POLA1: variants seen among roughly 807,000 people sequenced by gnomAD.
POLA1 encodes the protein DNA polymerase alpha 1, catalytic subunit, also known as DNA polymerase alpha catalytic subunit.
POLA1 carries 15 observed loss-of-function variants against 124.0 expected under a neutral mutation model. The ratio of observed to expected loss-of-function variants is 0.12; its 90% confidence interval spans 0.08 to 0.19. The LOEUF is 0.19. Among genes scored for constraint, POLA1 ranks in the 10% least tolerant of loss-of-function variants. The probability of loss-of-function intolerance (pLI) is 1.00; values close to 1 mark genes in which losing one functional copy is unlikely to be tolerated. For synonymous variants in POLA1, 408 were observed against 389.4 expected (o/e 1.05, Z -0.56); for missense variants, 886 against 1,103.4 (o/e 0.80, Z 2.79).
chrX:24,701,599 C>G (rs752560937), intron 2 of POLA1, among the ~76,000 whole-genome samples: 2 of 109,127 alleles, frequency 1.8e-5, no homozygotes, highest in African/African-American at 6.7e-5. Flanking sequence ...CCACGCCTGG[C>G]TAATTTTTAT....
At chrX:24,741,115 TTGTGTGTGTGTG>T (rs751996539) in intron 20 of POLA1, among the ~76,000 whole-genome samples, 4 of 89,559 alleles carry the variant, frequency 4.5e-5, no homozygotes, top group East Asian at 3.7e-4. Flanking sequence ...TTATGGGATT[TTGTGTGTGTGTG>T]TGTGTGTGTG....
chrX:24,812,223 A>T (rs2045913902), intron 28 of POLA1, among the ~76,000 whole-genome samples: 1 of 112,650 alleles, frequency 8.9e-6, no homozygotes, highest in South Asian at 3.7e-4. Context: ...CTTAAACATT[A>T]TTTTAATAGT....
At chrX:24,747,732 CTT>C (rs756889284) in intron 24 of POLA1, among the ~76,000 whole-genome samples, 11 of 90,423 alleles carry the variant, frequency 1.2e-4, no homozygotes, top group Non-Finnish European at 1.1e-4. Flanking sequence ...AAATGTATCC[CTT>C]TTTTTTTTTT....
chrX:24,699,422 C>A lies in POLA1; in HGVS notation c.44-3C>A. ...CTGTTGTAAATTTTTTTTCTTTTTT[C>A]AGCTCTGTCAGATTCAGGGAGTTTT... On this transcript the variant is annotated splice_polypyrimidine_tract_variant and splice_region_variant and intron_variant, in intron 1 of 36. Transcript: ENST00000379068. The A allele has an allele frequency of 8.8e-7, 1 of 1,136,457 alleles. No individual in the cohort carries two copies. Among genetic ancestry groups the A allele is most frequent in the Non-Finnish European group, 1.2e-6 (1 of 856,182 alleles). 93.7% of individuals were successfully genotyped at this position (1,136,457 alleles called of 1,213,427 possible).
chrX:24,907,972 AGTG>A (rs1291624858), intron 35 of POLA1, among the ~76,000 whole-genome samples: 2 of 111,877 alleles, frequency 1.8e-5, no homozygotes, highest in African/African-American at 6.5e-5. Context: ...TTCCACTTGA[AGTG>A]GTAAAATTTT....
chrX:24,762,380 A>T (rs1472436575), intron 26 of POLA1, among the ~76,000 whole-genome samples: 2 of 112,388 alleles, frequency 1.8e-5, no homozygotes, highest in Non-Finnish European at 3.8e-5. Context: ...TCTGAAAGAA[A>T]ATAAGTGCTA....
At chrX:24,704,924 A>G (rs1422237905) in intron 4 of POLA1, among the ~76,000 whole-genome samples, 1 of 112,092 alleles carries the variant, frequency 8.9e-6, no homozygotes, top group East Asian at 2.8e-4. Flanking sequence ...AATGTGTCAG[A>G]TTGTCTTAGC....
At chrX:24,962,536 T>G (rs1050830627) in intron 36 of POLA1, among the ~76,000 whole-genome samples, 11 of 111,902 alleles carry the variant, frequency 9.8e-5, no homozygotes, top group East Asian at 5.6e-4. Flanking sequence ...GGATAAGGAC[T>G]TTGCGTACAT....
intron 36 of POLA1, among the ~76,000 whole-genome samples, chrX:24,963,375 CTT>C (rs971961510): frequency 1.8e-5 from 2 of 111,745 alleles, no homozygotes; most frequent in African/African-American, 6.5e-5. Flanking sequence ...TTAAAAGACT[CTT>C]TGTCTCACCT....
rs192378267 is a variant in POLA1 at position 24,883,952 on chromosome X, T to A, written c.4048-4054T>A. On this transcript the variant is annotated intron_variant, in intron 34 of 36. Transcript: ENST00000379068. Reference sequence around the variant, plus strand: ...AGCCTTGGGCTGTACAGGCTATATGTTATTTCTGAAAATGAGGAATGAAAG... The same window carrying A: ...AGCCTTGGGCTGTACAGGCTATATGATATTTCTGAAAATGAGGAATGAAAG... Among the ~76,000 whole-genome samples, 7 of 111,573 alleles carry A rather than the reference T, an allele frequency of 6.3e-5. No homozygotes were observed. The Admixed American group carries it at 6.7e-4, about 11-fold the overall frequency.
intron 31 of POLA1, among the ~76,000 whole-genome samples, chrX:24,822,539 T>C (rs2046106592): frequency 8.9e-6 from 1 of 112,531 alleles, no homozygotes; most frequent in East Asian, 2.8e-4. Context: ...AGTAGTCTGC[T>C]GATACCTGCT....
At chrX:24,713,165 ATGTTGG>A (rs1929581223) in intron 4 of POLA1, among the ~76,000 whole-genome samples, 1 of 110,143 alleles carries the variant, frequency 9.1e-6, no homozygotes, top group Non-Finnish European at 1.9e-5. Context: ...GGGTTTCAGC[ATGTTGG>A]TCAGGCTGGT....
chrX:24,772,534 C>T (rs1011510505), intron 26 of POLA1, among the ~76,000 whole-genome samples: 2 of 110,520 alleles, frequency 1.8e-5, no homozygotes, highest in Non-Finnish European at 3.8e-5. Flanking sequence ...TGATCCTCTC[C>T]GTCCTCCAAG....
chrX:24,778,811 G>T lies in POLA1; in HGVS notation c.2964+29819G>T, dbSNP rs1335439591. ...GTCATAGATGTAACGATGGAATTAGGATTTGAACCCAGGTGGTTGGCTGTG... is the reference window on the plus strand; with the variant it reads ...GTCATAGATGTAACGATGGAATTAGTATTTGAACCCAGGTGGTTGGCTGTG... On this transcript the variant is annotated intron_variant, in intron 26 of 36. Coordinates refer to ENST00000379068, the MANE Select transcript of POLA1 (RefSeq NM_001330360.2). 5.4e-5 allele frequency among the ~76,000 whole-genome samples: 6 copies of T among 111,480 alleles called. No homozygotes were observed. In the Admixed American group the frequency reaches 5.7e-4, roughly 11 times the overall value.
At chrX:24,726,840 T>C in intron 13 of POLA1, 93 bp from the exon 14 acceptor site, 2 of 648,685 alleles carry the variant, frequency 3.1e-6, no homozygotes, top group Non-Finnish European at 4.6e-6. Flanking sequence ...CTGTGCTTCA[T>C]AGAGAGGCTT....
At position 24,972,881 on chromosome X, in the gene POLA1, T is replaced by C. The variant is rs989491798; in HGVS notation, c.4262-22924T>C. On this transcript the variant is annotated intron_variant, in intron 36 of 36. Coordinates refer to ENST00000379068, the MANE Select transcript of POLA1 (RefSeq NM_001330360.2). ...TTTTTTCATCCACAATTAGCTTGCC[T>C]GTTGATAATTAACCAGCATGGTTGA... Among the ~76,000 whole-genome samples, 3 of 112,774 alleles carry C rather than the reference T, an allele frequency of 2.7e-5. No individual in the cohort carries two copies. In the South Asian group the frequency reaches 1.1e-3, roughly 41 times the overall value.
chrX:24,899,507 T>A (rs1015939215), intron 35 of POLA1, among the ~76,000 whole-genome samples: 1 of 111,428 alleles, frequency 9.0e-6, no homozygotes, highest in African/African-American at 3.3e-5. Context: ...TCACAGCTGG[T>A]TTGCTCCTAA....
At chrX:24,846,528 A>T (rs1420750793) in intron 34 of POLA1, among the ~76,000 whole-genome samples, 2 of 111,565 alleles carry the variant, frequency 1.8e-5, no homozygotes, top group Non-Finnish European at 3.8e-5. Flanking sequence ...TTTGAAAATC[A>T]TAAAAAGGCA....
intron 34 of POLA1, among the ~76,000 whole-genome samples, chrX:24,861,701 T>G (rs1470959436): frequency 8.9e-6 from 1 of 112,103 alleles, no homozygotes; most frequent in Non-Finnish European, 1.9e-5. Context: ...TTTCAGAAAT[T>G]TAGGGAACCT....
Sources: allele counts gnomAD v4.1 joint callset (sites outside exome capture counted in the v4.1 genomes callset), GRCh38; gene constraint gnomAD v4.1.1; transcripts MANE v1.5; gene names NCBI Gene and HGNC (gene_info 2026-07-23, HGNC 2026-07-21).